VAC14: variants seen among roughly 807,000 people sequenced by gnomAD.
VAC14 encodes the protein VAC14 component of PIKFYVE complex, also known as protein VAC14 homolog.
In VAC14, 47 loss-of-function variants were observed where a neutral mutation model predicts 85.3. The observed-to-expected ratio is 0.55, with a 90% CI of 0.44 to 0.70. The LOEUF (loss-of-function observed/expected upper bound fraction) is 0.70. Ranked by LOEUF, VAC14 falls within the 30% of genes least tolerant of loss-of-function variation. The pLI is 0.00. For missense variants in VAC14, 861 were observed against 1,004.3 expected, an observed-to-expected ratio of 0.86 and a Z score of 1.93; for synonymous variants, 447 against 430.5, an observed-to-expected ratio of 1.04 and a Z score of -0.47.
chr16:70,739,675 C>T (rs1164053630), intron 13 of VAC14, among the ~76,000 whole-genome samples: 4 of 152,278 alleles, frequency 2.6e-5, no homozygotes, highest in Middle Eastern at 3.4e-3. Flanking sequence ...AGCCAGCACG[C>T]GTGAGTGCTC....
intron 13 of VAC14, among the ~76,000 whole-genome samples, chr16:70,736,976 C>T (rs1393126756): frequency 6.6e-6 from 1 of 152,166 alleles, no homozygotes; most frequent in African/African-American, 2.4e-5. Context: ...CGCTCTTTCC[C>T]AGCCTCAGTG....
intron 10 of VAC14, 191 bp downstream of exon 10, chr16:70,771,918 C>G (rs1033320893): frequency 1.4e-5 from 8 of 588,788 alleles, no homozygotes; most frequent in African/African-American, 3.7e-5. Flanking sequence ...ATCCATCAAG[C>G]CTGGGTGGGG....
chr16:70,740,755 C>A (rs1329438069), intron 13 of VAC14, among the ~76,000 whole-genome samples: 1 of 152,236 alleles, frequency 6.6e-6, no homozygotes, highest in Non-Finnish European at 1.5e-5. Context: ...CCAGGCCACT[C>A]TCTCCCCGAT....
At chr16:70,794,906 C>A (rs2034480312) in intron 1 of VAC14, among the ~76,000 whole-genome samples, 1 of 152,240 alleles carries the variant, frequency 6.6e-6, no homozygotes, top group South Asian at 2.1e-4. Flanking sequence ...CAACAACAGA[C>A]TGCATATTCC....
At chr16:70,773,922 A>C (rs1013309216) in intron 9 of VAC14, among the ~76,000 whole-genome samples, 4 of 151,506 alleles carry the variant, frequency 2.6e-5, no homozygotes, top group African/African-American at 9.7e-5. Flanking sequence ...CGTACCATTA[A>C]GCCCGGATAA....
chr16:70,798,166 A>T (rs947847823), intron 1 of VAC14, among the ~76,000 whole-genome samples: 3 of 152,170 alleles, frequency 2.0e-5, no homozygotes, highest in African/African-American at 7.2e-5. Flanking sequence ...TGGGAGCTTG[A>T]ACCCCAGTTC....
chr16:70,800,624 G>A (rs1014723709), intron 1 of VAC14, among the ~76,000 whole-genome samples, 173 bp downstream of exon 1: 2 of 152,218 alleles, frequency 1.3e-5, no homozygotes, highest in Admixed American at 6.5e-5. Context: ...CAGCCAGTCA[G>A]GAGTAAAGCA....
At chr16:70,688,183 G>T in intron 18 of VAC14, 93 bp from the exon 19 acceptor site, 1 of 1,367,566 alleles carries the variant, frequency 7.3e-7, no homozygotes, top group Non-Finnish European at 9.5e-7. Context: ...AGAGCCACAG[G>T]CTGGTGGGCT....
chr16:70,766,203 G>A (rs1306775699), intron 10 of VAC14, among the ~76,000 whole-genome samples: 1 of 151,910 alleles, frequency 6.6e-6, no homozygotes. Flanking sequence ...GGACACGGGG[G>A]AAGCCTGGTG....
intron 14 of VAC14, among the ~76,000 whole-genome samples, chr16:70,718,817 G>C (rs1189527300): frequency 6.6e-6 from 1 of 152,158 alleles, no homozygotes; most frequent in Non-Finnish European, 1.5e-5. Flanking sequence ...ATCATAACTG[G>C]CTGGGATGCA....
At chr16:70,725,888 C>T (rs1193134676) in intron 14 of VAC14, among the ~76,000 whole-genome samples, 3 of 152,210 alleles carry the variant, frequency 2.0e-5, no homozygotes, top group East Asian at 3.8e-4. Flanking sequence ...TGGCATTCAC[C>T]GCATACAGTG....
chr16:70,763,467 C>T (rs908541181), intron 10 of VAC14, among the ~76,000 whole-genome samples: 15 of 152,194 alleles, frequency 9.9e-5, no homozygotes, highest in African/African-American at 3.4e-4. Context: ...AACAAAACCA[C>T]CAGGTCTGGA....
chr16:70,728,700 C>G (rs963154602), intron 14 of VAC14, among the ~76,000 whole-genome samples: 5 of 152,200 alleles, frequency 3.3e-5, no homozygotes, highest in Admixed American at 6.5e-5. Flanking sequence ...GCGTCTTGGT[C>G]ATGTGGGGCT....
chr16:70,696,874 T>G, intron 16 of VAC14: 1 of 407,904 alleles, frequency 2.5e-6, no homozygotes. Context: ...GGGCTGGGCC[T>G]ACTCAGTCCC....
intron 1 of VAC14, among the ~76,000 whole-genome samples, chr16:70,799,718 A>G (rs2034687259): frequency 1.3e-5 from 2 of 152,218 alleles, no homozygotes; most frequent in Admixed American, 6.5e-5. Flanking sequence ...AGAGGCTGAG[A>G]AACCCTGAGT....
chr16:70,764,454 T>C (rs965477720), intron 10 of VAC14, among the ~76,000 whole-genome samples: 4 of 152,162 alleles, frequency 2.6e-5, no homozygotes, highest in Admixed American at 6.5e-5. Context: ...GACAGTACTG[T>C]GCAGGTAGAG....
intron 12 of VAC14, chr16:70,761,023 G>T (rs1292982144): frequency 3.6e-5 from 9 of 250,578 alleles, no homozygotes; most frequent in Non-Finnish European, 7.0e-5. Flanking sequence ...GTGTGTGCAT[G>T]GGGGGGCGGG....
At chr16:70,724,232 A>G (rs951589421) in intron 14 of VAC14, among the ~76,000 whole-genome samples, 2 of 152,174 alleles carry the variant, frequency 1.3e-5, no homozygotes, top group African/African-American at 4.8e-5. Context: ...TCCATTTTGC[A>G]GGAGAAAAGC....
intron 14 of VAC14, chr16:70,699,520 T>C (rs1432350271): frequency 1.3e-5 from 2 of 152,218 alleles, no homozygotes; most frequent in Non-Finnish European, 1.5e-5. Flanking sequence ...TAAGAGTCGT[T>C]CAGGGCTAAG....
Sources: gnomAD v4.1 joint callset for allele counts (sites outside exome capture counted in the v4.1 genomes callset) on GRCh38, gnomAD v4.1.1 for gene constraint, MANE v1.5 for transcripts, NCBI Gene and HGNC (gene_info 2026-07-23, HGNC 2026-07-21) for gene names.